Variants in PTPN22 observed in about 807,000 individuals in gnomAD.
PTPN22 encodes protein tyrosine phosphatase non-receptor type 22.
A neutral mutation model predicts 103.3 loss-of-function variants in PTPN22; 85 were observed. That is an observed-to-expected ratio of 0.82 (90% CI 0.69 to 0.99). The LOEUF (loss-of-function observed/expected upper bound fraction) is 0.99. PTPN22 is among the 50% of genes least tolerant of loss of function. The pLI, the probability that PTPN22 is intolerant of heterozygous loss-of-function variation, is 0.00. For synonymous variants in PTPN22, 323 were observed against 310.2 expected (o/e 1.04, Z -0.43); for missense variants, 865 against 936.9 (o/e 0.92, Z 1.00).
intron 13 of PTPN22, among the ~76,000 whole-genome samples, chr1:113,836,945 C>T (rs912026306): frequency 6.6e-6 from 1 of 151,838 alleles, no homozygotes; most frequent in Non-Finnish European, 1.5e-5. Flanking sequence ...TTTTAAAAAA[C>T]AGTATATTGT....
At chr1:113,830,008 G>A (rs183145687) in exon 17 of PTPN22, 1 of 1,605,204 alleles carries the variant, frequency 6.2e-7, no homozygotes. Flanking sequence ...AGGTGGGGGA[G>A]AAGAACGATC....
chr1:113,858,816 T>A (rs1486085431), intron 3 of PTPN22, among the ~76,000 whole-genome samples, 186 bp downstream of exon 3: 1 of 152,092 alleles, frequency 6.6e-6, no homozygotes. Context: ...ATTTTTTAAC[T>A]TTTTGTTGAG....
chr1:113,843,408 C>T (rs940681879), intron 11 of PTPN22, among the ~76,000 whole-genome samples: 7 of 152,004 alleles, frequency 4.6e-5, no homozygotes, highest in African/African-American at 7.2e-5. Flanking sequence ...GAGGACATTA[C>T]GCTAAGTGAA....
At chr1:113,845,436 C>T (rs1284578811) in intron 11 of PTPN22, among the ~76,000 whole-genome samples, 2 of 152,018 alleles carry the variant, frequency 1.3e-5, no homozygotes, top group Non-Finnish European at 2.9e-5. Context: ...TTCCTGACCT[C>T]ATGTGATCCG....
intron 1 of PTPN22, among the ~76,000 whole-genome samples, chr1:113,865,478 G>C (rs544472851): frequency 1.3e-5 from 2 of 152,108 alleles, no homozygotes; most frequent in Non-Finnish European, 1.5e-5. Flanking sequence ...ACGAGATCAC[G>C]TACGGCAAAG....
exon 21 of PTPN22, chr1:113,814,509 CT>C (rs939856083): frequency 6.3e-6 from 1 of 159,730 alleles, no homozygotes; most frequent in Non-Finnish European, 1.4e-5. Context: ...TTTTTTTTAA[CT>C]TTTTATAGTA....
At position 113,859,093 on chromosome 1, in the gene PTPN22, A is replaced by G. The variant is rs74163640; in HGVS notation, c.197-15T>C. ...GCTATAATCATCTATAATACAAAAG[A>G]CAGACATAGTACAATTAAGAGGGCT... On this transcript the variant is annotated splice_polypyrimidine_tract_variant and intron_variant, in intron 2 of 20. Coordinates refer to ENST00000359785, the Ensembl canonical transcript of PTPN22. 56 of 1,612,720 alleles carry G rather than the reference A, an allele frequency of 3.5e-5. No individual in the cohort carries two copies. The highest frequency in any genetic ancestry group is 4.7e-5 in the Non-Finnish European group (55 of 1,179,446).
At chr1:113,843,163 C>A (rs1422999937) in intron 11 of PTPN22, among the ~76,000 whole-genome samples, 3 of 148,864 alleles carry the variant, frequency 2.0e-5, no homozygotes, top group African/African-American at 5.0e-5. Flanking sequence ...CTGGGTTATA[C>A]CCAAAGTAAT....
exon 12 of PTPN22, chr1:113,838,545 T>G: frequency 6.2e-7 from 1 of 1,612,524 alleles, no homozygotes; most frequent in African/African-American, 1.3e-5. Flanking sequence ...TGTACTCACC[T>G]TTTTGGTAAA....
intron 20 of PTPN22, among the ~76,000 whole-genome samples, chr1:113,818,948 C>T (rs909004979): frequency 2.6e-5 from 4 of 151,816 alleles, no homozygotes; most frequent in Non-Finnish European, 4.4e-5. Context: ...TCCTGGAGGC[C>T]TCACACTCTT....
At chr1:113,868,810 C>T (rs1178015803) in intron 1 of PTPN22, among the ~76,000 whole-genome samples, 3 of 151,988 alleles carry the variant, frequency 2.0e-5, no homozygotes, top group Admixed American at 6.6e-5. Flanking sequence ...AGTGGTTGCA[C>T]TGCTAATGGT....
intron 15 of PTPN22, among the ~76,000 whole-genome samples, chr1:113,833,813 T>C (rs1662753882): frequency 1.3e-5 from 2 of 152,220 alleles, no homozygotes; most frequent in Admixed American, 1.3e-4. Context: ...AAAAGGTTTA[T>C]CTTAAGTAAT....
intron 1 of PTPN22, 138 bp downstream of exon 1, chr1:113,871,399 C>CTTTTTTTTTTTTTTTTTTTTT: frequency 3.4e-6 from 2 of 596,346 alleles, no homozygotes; most frequent in Non-Finnish European, 5.8e-6. Flanking sequence ...AGAAGTCAAA[C>CTTTTTTTTTTTTTTTTTTTTT]TTTTTTTTTT....
At chr1:113,837,024 C>T (rs1663077604) in intron 13 of PTPN22, among the ~76,000 whole-genome samples, 1 of 152,154 alleles carries the variant, frequency 6.6e-6, no homozygotes, top group Admixed American at 6.5e-5. Flanking sequence ...GGTACAGATC[C>T]TGTACCAGAT....
At chr1:113,825,197 G>A in intron 18 of PTPN22, 25 bp from the exon 19 acceptor site, 1 of 1,409,596 alleles carries the variant, frequency 7.1e-7, no homozygotes, top group South Asian at 1.3e-5. Flanking sequence ...AAAAATGTTA[G>A]TTTTTTTTCC....
chr1:113,839,876 T>A (rs994063170), intron 11 of PTPN22, among the ~76,000 whole-genome samples: 9 of 150,548 alleles, frequency 6.0e-5, no homozygotes, highest in South Asian at 4.2e-4. Context: ...GTAATTTTTT[T>A]AATTAATTTT....
intron 1 of PTPN22, among the ~76,000 whole-genome samples, chr1:113,866,625 A>G (rs1666144866): frequency 6.6e-6 from 1 of 152,196 alleles, no homozygotes; most frequent in African/African-American, 2.4e-5. Flanking sequence ...CAGCCTGATA[A>G]TTTTGGTATA....
In PTPN22 at chr1:113,852,196, T is replaced by C. The variant is rs1419825609; in HGVS notation, c.751-92A>G. The C allele has an allele frequency of 8.0e-6, 7 of 878,312 alleles. No individual in the cohort carries two copies. In the Admixed American group the frequency reaches 1.5e-4, roughly 19 times the overall value. 54.4% of individuals were successfully genotyped at this position (878,312 alleles called of 1,614,324 possible). ...AGTCTTGTACTTCCATGGCATCTGCTCTTCTAACATGGGGTAATATCAGAA... is the reference window on the plus strand; with the variant it reads ...AGTCTTGTACTTCCATGGCATCTGCCCTTCTAACATGGGGTAATATCAGAA... On this transcript the variant is annotated intron_variant, in intron 9 of 20. Coordinates refer to ENST00000359785, the Ensembl canonical transcript of PTPN22.
Position 113,858,577 on chromosome 1 carries a change from A to T in PTPN22, c.274-4T>A. 6.5e-7 allele frequency: 1 copy of T among 1,540,296 alleles called. No homozygotes were observed. Among genetic ancestry groups the T allele is most frequent in the Non-Finnish European group, 8.9e-7 (1 of 1,126,084 alleles). On this transcript the variant is annotated splice_region_variant and splice_polypyrimidine_tract_variant and intron_variant, in intron 3 of 20. Transcript: ENST00000359785. Reference sequence around the variant, plus strand: ...AAGCCTTGGGTCCATAAACTCCCTAAAGGGGAACAGAAATTACACGGGGTG... The same window carrying T: ...AAGCCTTGGGTCCATAAACTCCCTATAGGGGAACAGAAATTACACGGGGTG...
Sources: allele counts gnomAD v4.1 joint callset (sites outside exome capture counted in the v4.1 genomes callset), GRCh38; gene constraint gnomAD v4.1.1; transcripts MANE v1.5; gene names NCBI Gene and HGNC (gene_info 2026-07-23, HGNC 2026-07-21).